Variants in ZSWIM6 observed in about 807,000 individuals in gnomAD.
The protein encoded by ZSWIM6 is zinc finger SWIM-type containing 6, also known as zinc finger SWIM domain-containing protein 6.
In ZSWIM6, 9 loss-of-function variants were observed where a neutral mutation model predicts 113.2. That is an observed-to-expected ratio of 0.08 (90% CI 0.05 to 0.14). ZSWIM6 has a LOEUF of 0.14. ZSWIM6 is among the 10% of genes least tolerant of loss of function. The pLI is 1.00. For synonymous variants in ZSWIM6, 611 were observed against 606.5 expected (o/e 1.01, Z -0.11); for missense variants, 1,162 against 1,552.2 (o/e 0.75, Z 4.22).
intron 1 of ZSWIM6, among the ~76,000 whole-genome samples, chr5:61,459,942 T>A (rs1023405195): frequency 6.6e-6 from 1 of 152,214 alleles, no homozygotes; most frequent in Non-Finnish European, 1.5e-5. Flanking sequence ...GTCAAGAGTG[T>A]GTGGTATTCT....
At chr5:61,502,794 G>C (rs1748508712) in intron 4 of ZSWIM6, among the ~76,000 whole-genome samples, 1 of 152,142 alleles carries the variant, frequency 6.6e-6, no homozygotes, top group Non-Finnish European at 1.5e-5. Flanking sequence ...ACCCTGTTGT[G>C]AGCTGCACAC....
intron 1 of ZSWIM6, among the ~76,000 whole-genome samples, chr5:61,436,962 T>C (rs1002343350): frequency 6.6e-6 from 1 of 152,222 alleles, no homozygotes; most frequent in Admixed American, 6.5e-5. Flanking sequence ...ATGTTAAAGA[T>C]GGGAGCCACT....
intron 10 of ZSWIM6, among the ~76,000 whole-genome samples, chr5:61,535,838 C>T (rs976510502): frequency 3.3e-5 from 5 of 152,356 alleles, no homozygotes; most frequent in African/African-American, 9.6e-5. Context: ...CTATCAGACT[C>T]AAGCACACCG....
chr5:61,351,447 C>T (rs1344975200), intron 1 of ZSWIM6, among the ~76,000 whole-genome samples: 1 of 152,150 alleles, frequency 6.6e-6, no homozygotes, highest in African/African-American at 2.4e-5. Flanking sequence ...TGTCATATGA[C>T]TGCACTAAGA....
chr5:61,528,156 A>T (rs1035275047), intron 7 of ZSWIM6, among the ~76,000 whole-genome samples: 1 of 152,162 alleles, frequency 6.6e-6, no homozygotes, highest in Non-Finnish European at 1.5e-5. Context: ...TAGCTGTTAC[A>T]AGTCTAAAGT....
intron 1 of ZSWIM6, among the ~76,000 whole-genome samples, chr5:61,346,775 G>A (rs1744667749): frequency 6.6e-6 from 1 of 152,168 alleles, no homozygotes; most frequent in African/African-American, 2.4e-5. Context: ...TTACTAAAGA[G>A]GCATTTTGTT....
intron 1 of ZSWIM6, among the ~76,000 whole-genome samples, chr5:61,451,067 C>T (rs1236475304): frequency 6.6e-6 from 1 of 152,144 alleles, no homozygotes; most frequent in Non-Finnish European, 1.5e-5. Context: ...TGGTTGTTGT[C>T]ATTGTGATCA....
intron 1 of ZSWIM6, among the ~76,000 whole-genome samples, chr5:61,432,163 T>C (rs10939902): frequency 0.59 from 89,656 of 152,146 alleles, 29,058 homozygotes; most frequent in African/African-American, 0.87. Flanking sequence ...CTGTTTTTCA[T>C]AGAGAATTTC....
At chr5:61,499,842 G>C (rs13166779) in intron 4 of ZSWIM6, among the ~76,000 whole-genome samples, 19,527 of 152,130 alleles carry the variant, frequency 0.13, 1,380 homozygotes, top group Middle Eastern at 0.18. Context: ...TTTTGGTCTA[G>C]CTCCTAATGA....
intron 1 of ZSWIM6, among the ~76,000 whole-genome samples, chr5:61,337,168 G>A (rs770604854): frequency 6.5e-4 from 99 of 151,814 alleles, no homozygotes; most frequent in Admixed American, 4.6e-4. Context: ...TAATCCCGCC[G>A]CTCGGGAGGC....
At chr5:61,340,352 AATAT>A (rs1175448776) in intron 1 of ZSWIM6, among the ~76,000 whole-genome samples, 1 of 152,110 alleles carries the variant, frequency 6.6e-6, no homozygotes, top group Admixed American at 6.5e-5. Flanking sequence ...TATGTCTACA[AATAT>A]ATATATGTGA....
intron 1 of ZSWIM6, among the ~76,000 whole-genome samples, chr5:61,374,508 A>G (rs1364870443): frequency 6.6e-6 from 1 of 152,158 alleles, no homozygotes; most frequent in Non-Finnish European, 1.5e-5. Flanking sequence ...CATGAATCAC[A>G]TCATTTGTAC....
chr5:61,391,980 G>A (rs1745726939), intron 1 of ZSWIM6: 1 of 433,982 alleles, frequency 2.3e-6, no homozygotes, highest in Non-Finnish European at 4.1e-6. Context: ...CCTTCATTTT[G>A]TGTATATTTT....
rs1280269191 is a variant in ZSWIM6, at chr5:61,541,924, G to A, written c.2744G>A (p.Arg915Gln). ...MTLSTLNWRR[R>Q]EMVRWLVTCA... ...CTGTCAACCTTAAATTGGCGACGGC[G>A]GGAGATGGTGAGGTGGCTGGTAACG... The change falls in exon 13 of 14, where the codon CGG becomes CAG. Residue 915 changes from arginine to glutamine, a missense_variant. By Grantham distance (43) the Arg-to-Gln change is conservative (BLOSUM62 1). Around this residue, in one of 4 missense-constraint regions of ZSWIM6, gnomAD observed 620 missense variants for 804.6 expected, o/e 0.77. Coordinates refer to ENST00000252744, the MANE Select transcript of ZSWIM6 (RefSeq NM_020928.2). 8 of 1,551,198 alleles carry A rather than the reference G, an allele frequency of 5.2e-6. No homozygotes were observed. The highest frequency in any genetic ancestry group is 3.6e-5 in the South Asian group (3 of 83,958).
At chr5:61,368,206 C>T (rs1055779014) in intron 1 of ZSWIM6, among the ~76,000 whole-genome samples, 2 of 149,396 alleles carry the variant, frequency 1.3e-5, no homozygotes, top group African/African-American at 4.9e-5. Context: ...GCCCAGTGCC[C>T]AGCACATGAT....
intron 1 of ZSWIM6, among the ~76,000 whole-genome samples, chr5:61,381,178 G>A (rs990311503): frequency 3.3e-5 from 5 of 152,174 alleles, no homozygotes; most frequent in Non-Finnish European, 1.5e-5. Flanking sequence ...ACTTGAATCC[G>A]GGAGGTAGAG....
chr5:61,433,425 ATAGCT>A (rs1746627399), intron 1 of ZSWIM6, among the ~76,000 whole-genome samples: 1 of 151,620 alleles, frequency 6.6e-6, no homozygotes. Flanking sequence ...GTAGTATATA[ATAGCT>A]TAGCCTCTTG....
chr5:61,502,885 T>TGCCCCGGCAACTGCC (rs1358344295), intron 4 of ZSWIM6, among the ~76,000 whole-genome samples: 1 of 152,128 alleles, frequency 6.6e-6, no homozygotes, highest in Non-Finnish European at 1.5e-5. Context: ...CCCAAAACCA[T>TGCCCCGGCAACTGCC]GCCCCGGCAA....
At chr5:61,430,006 A>G (rs2112134047) in intron 1 of ZSWIM6, among the ~76,000 whole-genome samples, 1 of 152,358 alleles carries the variant, frequency 6.6e-6, no homozygotes, top group South Asian at 2.1e-4. Context: ...GCAGTGTTGC[A>G]GAAGCGAAGT....
Sources: allele counts gnomAD v4.1 joint callset (sites outside exome capture counted in the v4.1 genomes callset), GRCh38; gene constraint gnomAD v4.1.1; regional missense constraint gnomAD v4.1.1; transcripts MANE v1.5; gene names NCBI Gene and HGNC (gene_info 2026-07-23, HGNC 2026-07-21).